SELENOF: variants seen among roughly 807,000 people sequenced by gnomAD.
The protein encoded by SELENOF is selenoprotein F, also known as 15 kDa selenoprotein.
SELENOF carries 16 observed loss-of-function variants against 20.5 expected under a neutral mutation model. The ratio of observed to expected loss-of-function variants is 0.78; its 90% CI spans 0.53 to 1.19. The LOEUF is 1.19. Among genes scored for constraint, SELENOF ranks in the 50% most tolerant of loss-of-function variants. The pLI is 0.00. For synonymous variants in SELENOF, 78 were observed against 74.5 expected, an observed-to-expected ratio of 1.05 and a Z score of -0.24; for missense variants, 215 against 194.2, an observed-to-expected ratio of 1.11 and a Z score of -0.64.
chr1:86,870,623 AT>A (rs201714324), intron 3 of SELENOF, among the ~76,000 whole-genome samples: 41 of 148,554 alleles, frequency 2.8e-4, no homozygotes, highest in Admixed American at 4.0e-4. Flanking sequence ...TTATTAAAAT[AT>A]TTTTTTTTTT....
Position 86,863,408 on chromosome 1 carries a change from T to C in SELENOF, c.*66A>G. On this transcript the variant is annotated 3_prime_UTR_variant, in exon 5 of 5. Transcript: ENST00000331835. The stretch of plus-strand genomic sequence containing the variant: ...ATGGAAGCAAGCAAAACTAAATTAT[T>C]TTCTAGGTGCTGTAATATTTCATTT... 2 of 1,377,346 alleles carry C rather than the reference T, an allele frequency of 1.5e-6. No homozygotes were observed. Among genetic ancestry groups the C allele is most frequent in the Non-Finnish European group, 2.0e-6 (2 of 1,003,014 alleles). 85.3% of individuals were successfully genotyped at this position (1,377,346 alleles called of 1,614,324 possible).
Position 86,914,080 on chromosome 1 carries a change from CA to C in SELENOF, c.31del (p.Cys11ValfsTer34). 1 of 1,614,000 alleles carries C rather than the reference CA, an allele frequency of 6.2e-7. No individual in the cohort carries two copies. The highest frequency in any genetic ancestry group is 8.5e-7 in the Non-Finnish European group (1 of 1,179,894). MVAMAAGPSG[C>X]LVPAFGLRLL... ...CCGTAGCCCAAACGCCGGCACCAGA[CA>C]CCCACTCGGCCCAGCCGCCATCGCT... On this transcript the variant is annotated frameshift_variant, in exon 1 of 5. Transcript: ENST00000331835. LOFTEE classifies it high-confidence loss of function.
At chr1:86,913,040 T>C (rs1389975895) in intron 1 of SELENOF, among the ~76,000 whole-genome samples, 1 of 152,088 alleles carries the variant, frequency 6.6e-6, no homozygotes, top group African/African-American at 2.4e-5. Context: ...ACAAGATAAT[T>C]GGAATGTTAA....
intron 2 of SELENOF, among the ~76,000 whole-genome samples, chr1:86,895,980 C>A (rs1340009904): frequency 6.6e-6 from 1 of 152,186 alleles, no homozygotes; most frequent in Non-Finnish European, 1.5e-5. Flanking sequence ...GTAATCCCAG[C>A]ACTTTGGGAG....
intron 1 of SELENOF, among the ~76,000 whole-genome samples, chr1:86,906,083 A>G (rs1337228742): frequency 6.6e-6 from 1 of 152,206 alleles, no homozygotes; most frequent in African/African-American, 2.4e-5. Flanking sequence ...TGCTGACGTG[A>G]TATTTTATAC....
At chr1:86,865,209 T>C (rs1236228806) in intron 4 of SELENOF, among the ~76,000 whole-genome samples, 1 of 143,184 alleles carries the variant, frequency 7.0e-6, no homozygotes, top group Non-Finnish European at 1.5e-5. Flanking sequence ...AAAGCTCAGC[T>C]TACCAAACAA....
chr1:86,863,564 G>T lies in SELENOF; in HGVS notation c.408C>A (p.Asp136Glu). The change falls in exon 5 of 5, where the codon GAC becomes GAA. Residue 136 changes from aspartate to glutamate, a missense_variant. Coordinates refer to ENST00000331835, the MANE Select transcript of SELENOF (RefSeq NM_004261.5). Reference sequence around the variant, plus strand: ...TCAGTTCTTCAGCAATGTTCCCATTGTCGTCCAAAAGCTTTAATACAGGGT... The same window carrying T: ...TCAGTTCTTCAGCAATGTTCCCATTTTCGTCCAAAAGCTTTAATACAGGGT... ...GSDPVLKLLD[D>E]NGNIAEELSI... 1 of 1,613,456 alleles carries T rather than the reference G, an allele frequency of 6.2e-7. No homozygotes were observed. The highest frequency in any genetic ancestry group is 8.5e-7 in the Non-Finnish European group (1 of 1,179,536).
At chr1:86,895,990 G>C (rs538205468) in intron 2 of SELENOF, among the ~76,000 whole-genome samples, 1 of 152,218 alleles carries the variant, frequency 6.6e-6, no homozygotes, top group East Asian at 1.9e-4. Flanking sequence ...CACTTTGGGA[G>C]GCCGAGGGGA....
chr1:86,912,291 T>C (rs1557475029), intron 1 of SELENOF, among the ~76,000 whole-genome samples: 2 of 152,200 alleles, frequency 1.3e-5, no homozygotes, highest in Non-Finnish European at 2.9e-5. Context: ...ATGATATATG[T>C]AAGGAAAGGA....
At chr1:86,872,535 ATGT>A (rs1333875058) in intron 3 of SELENOF, among the ~76,000 whole-genome samples, 1 of 135,908 alleles carries the variant, frequency 7.4e-6, no homozygotes, top group Non-Finnish European at 1.6e-5. Context: ...CGCCCAGCTA[ATGT>A]TTTTTTTTTT....
At chr1:86,900,533 C>T (rs1236681931) in intron 2 of SELENOF, among the ~76,000 whole-genome samples, 1 of 152,048 alleles carries the variant, frequency 6.6e-6, no homozygotes, top group African/African-American at 2.4e-5. Context: ...GCCGAGATGG[C>T]AGCAGTACAG....
At chr1:86,889,964 TATC>T (rs1314142473) in intron 2 of SELENOF, among the ~76,000 whole-genome samples, 2 of 152,248 alleles carry the variant, frequency 1.3e-5, no homozygotes, top group African/African-American at 4.8e-5. Flanking sequence ...CCCTCCGCCT[TATC>T]AACTATTGTT....
rs766912807 is a variant in SELENOF at position 86,907,999 on chromosome 1, A to C, written c.85-4551T>G. 2.5e-3 allele frequency among the ~76,000 whole-genome samples: 238 copies of C among 94,330 alleles called. 1 individual carries two copies. The highest frequency in any genetic ancestry group is 0.012 in the African/African-American group (207 of 16,878). 61.9% of individuals were successfully genotyped at this position (94,330 alleles called of 152,430 possible). A position where few individuals can be genotyped will look rare whatever the true frequency, so the allele number is the denominator to read the frequency against. On this transcript the variant is annotated intron_variant, in intron 1 of 4. Transcript: ENST00000331835. ...GAATCGCCATCTCAAAAAAAAAAAC[A>C]AAAAAAAAAACCAAGGCTCTATTCC...
chr1:86,866,989 A>G (rs1215158366), intron 4 of SELENOF, among the ~76,000 whole-genome samples: 1 of 152,236 alleles, frequency 6.6e-6, no homozygotes, highest in Non-Finnish European at 1.5e-5. Flanking sequence ...ATGTGTACAC[A>G]GAAATTACAC....
intron 2 of SELENOF, among the ~76,000 whole-genome samples, chr1:86,888,858 G>A (rs961243989): frequency 4.6e-5 from 7 of 152,012 alleles, no homozygotes; most frequent in Admixed American, 3.9e-4. Context: ...TGTTGGCCAG[G>A]CTAGTCTTGA....
At position 86,903,286 on chromosome 1, in the gene SELENOF, T is replaced by C. The variant is rs1659747843; in HGVS notation, c.247A>G (p.Lys83Glu). 6.2e-7 allele frequency: 1 copy of C among 1,610,226 alleles called. No individual in the cohort carries two copies. The highest frequency in any genetic ancestry group is 8.5e-7 in the Non-Finnish European group (1 of 1,178,362). The change falls in exon 2 of 5, where the codon AAA becomes GAA. Residue 83 changes from lysine to glutamate, a missense_variant. Transcript: ENST00000331835. Reference protein sequence around the residue: ...CCQEEAQFETKKLYAGAILEV... With the variant: ...CCQEEAQFETEKLYAGAILEV... Reference sequence around the variant, plus strand: ...AATATACTAGAAAACAGTACCTTTTTGGTTTCAAATTGTGCTTCCTCCTGA... The same window carrying C: ...AATATACTAGAAAACAGTACCTTTTCGGTTTCAAATTGTGCTTCCTCCTGA...
At position 86,909,859 on chromosome 1, in the gene SELENOF, G is replaced by A. The variant is rs78580052; in HGVS notation, c.84+4169C>T. Among the ~76,000 whole-genome samples, 38 of 152,270 alleles carry A rather than the reference G, an allele frequency of 2.5e-4. No individual in the cohort carries two copies. In the East Asian group the frequency reaches 7.2e-3, roughly 29 times the overall value. The stretch of plus-strand genomic sequence containing the variant: ...TCTCCACTAAAGATACAAAAAATTA[G>A]CTGGGCGTGGGGGCGCGTGCCTGTA... On this transcript the variant is annotated intron_variant, in intron 1 of 4. Coordinates refer to ENST00000331835, the MANE Select transcript of SELENOF (RefSeq NM_004261.5).
intron 3 of SELENOF, among the ~76,000 whole-genome samples, chr1:86,879,316 A>G (rs114326429): frequency 1.8e-3 from 275 of 152,310 alleles, no homozygotes; most frequent in Middle Eastern, 3.4e-3. Flanking sequence ...AAATAAATAA[A>G]TAAATCAGAG....
At chr1:86,869,302 A>C (rs1372307803) in intron 3 of SELENOF, among the ~76,000 whole-genome samples, 3 of 152,368 alleles carry the variant, frequency 2.0e-5, no homozygotes, top group African/African-American at 4.8e-5. Flanking sequence ...AAATTTGGAA[A>C]TAATCTAAAT....
Sources: gnomAD v4.1 joint callset for allele counts (sites outside exome capture counted in the v4.1 genomes callset) on GRCh38, gnomAD v4.1.1 for gene constraint, MANE v1.5 for transcripts, NCBI Gene and HGNC (gene_info 2026-07-23, HGNC 2026-07-21) for gene names.